The following COTL1 variants were observed in gnomAD, a reference collection of about 807,000 sequenced individuals.
COTL1 encodes coactosin like F-actin binding protein 1, also known as coactosin-like protein.
In COTL1, 15 loss-of-function variants were observed where a neutral mutation model predicts 16.5. The observed-to-expected ratio is 0.91, with a 90% CI of 0.61 to 1.40. The LOEUF is 1.40. COTL1 is among the 40% of genes most tolerant of loss of function. The pLI, the probability that COTL1 is intolerant of heterozygous loss-of-function variation, is 0.00. For synonymous variants in COTL1, 112 were observed against 85.3 expected, an observed-to-expected ratio of 1.31 and a Z score of -1.73; for missense variants, 220 against 201.5, an observed-to-expected ratio of 1.09 and a Z score of -0.56.
At chr16:84,584,422 C>T (rs1904671765) in intron 3 of COTL1, among the ~76,000 whole-genome samples, 1 of 152,256 alleles carries the variant, frequency 6.6e-6, no homozygotes, top group South Asian at 2.1e-4. Context: ...CTCTATCACT[C>T]ATTAACTGTG....
intron 2 of COTL1, 106 bp downstream of exon 2, chr16:84,617,395 C>A: frequency 9.7e-7 from 1 of 1,030,668 alleles, no homozygotes; most frequent in South Asian, 1.4e-5. Flanking sequence ...GCCAGGGGCA[C>A]CCCATGTGGC....
intron 3 of COTL1, among the ~76,000 whole-genome samples, chr16:84,589,361 G>C (rs985744357): frequency 6.6e-6 from 1 of 152,194 alleles, no homozygotes; most frequent in Non-Finnish European, 1.5e-5. Flanking sequence ...GTGGAGGATG[G>C]GCAGTGGTAC....
At chr16:84,586,977 C>T (rs759310731) in intron 3 of COTL1, among the ~76,000 whole-genome samples, 3 of 152,180 alleles carry the variant, frequency 2.0e-5, no homozygotes, top group African/African-American at 7.2e-5. Flanking sequence ...TCCTGGCGAG[C>T]CCCCTCCCTC....
rs62050746 is a variant in COTL1, at chr16:84,610,450, T to C, written c.160+7051A>G. Among the ~76,000 whole-genome samples, 530 of 152,318 alleles carry C rather than the reference T, an allele frequency of 3.5e-3. 3 individuals are homozygous for C. Among genetic ancestry groups the C allele is most frequent in the African/African-American group, 0.01 (420 of 41,582 alleles). On this transcript the variant is annotated intron_variant, in intron 2 of 3. Transcript: ENST00000262428. ...AGGTACTCTCTATAAATGGTAGACA[T>C]GCCCTGTGAGCTCCAAGCCCTCATT...
intron 2 of COTL1, among the ~76,000 whole-genome samples, chr16:84,592,812 G>A (rs757068378): frequency 2.0e-5 from 3 of 152,202 alleles, no homozygotes; most frequent in Middle Eastern, 3.4e-3. Flanking sequence ...ACAAGAAGCC[G>A]GGTGGTCTAA....
At chr16:84,574,552 G>A (rs1225748073) in intron 3 of COTL1, among the ~76,000 whole-genome samples, 1 of 152,174 alleles carries the variant, frequency 6.6e-6, no homozygotes, top group South Asian at 2.1e-4. Context: ...GAATGGTTTG[G>A]AATTATGCAA....
intron 3 of COTL1, among the ~76,000 whole-genome samples, chr16:84,587,430 C>T (rs1904758731): frequency 6.6e-6 from 1 of 152,194 alleles, no homozygotes; most frequent in East Asian, 1.9e-4. Flanking sequence ...CAGAAAGGAG[C>T]TGCATGTATT....
chr16:84,591,722 C>G (rs1405852655), intron 2 of COTL1, among the ~76,000 whole-genome samples: 1 of 146,428 alleles, frequency 6.8e-6, no homozygotes, highest in Non-Finnish European at 1.5e-5. Flanking sequence ...ACCAGGGAGG[C>G]TAAGGTGGGA....
chr16:84,602,505 G>T lies in COTL1; in HGVS notation c.161-12243C>A, dbSNP rs138473522. ...CAGGAATGAATAGACAGGCAGGAAC[G>T]AATGGATATGGACAGACATAACAAC... On this transcript the variant is annotated intron_variant, in intron 2 of 3. Transcript: ENST00000262428. 4.5e-3 allele frequency among the ~76,000 whole-genome samples: 678 copies of T among 151,990 alleles called. 7 individuals carry two copies. The highest frequency in any genetic ancestry group is 0.015 in the African/African-American group (634 of 41,416).
chr16:84,586,080 A>C (rs963382823), intron 3 of COTL1, among the ~76,000 whole-genome samples: 3 of 152,208 alleles, frequency 2.0e-5, no homozygotes, highest in Admixed American at 6.5e-5. Context: ...CTGAGGAAAG[A>C]GGCCTCTCTC....
intron 2 of COTL1, among the ~76,000 whole-genome samples, chr16:84,613,778 T>C (rs1189885177): frequency 2.6e-5 from 4 of 152,198 alleles, no homozygotes; most frequent in Admixed American, 2.0e-4. Flanking sequence ...CATTCTTCCC[T>C]AGGAAGCCAC....
rs757216407 is a variant in COTL1 at position 84,566,877 on chromosome 16, C to A, written c.397G>T (p.Gly133Trp). Residue 133 changes from glycine to tryptophan, a missense_variant, in exon 4 of 4, where the codon GGG becomes TGG. Gly to Trp is a radical substitution (Grantham distance 184). Coordinates refer to ENST00000262428, the MANE Select transcript of COTL1 (RefSeq NM_021149.5). ...DFIKSELKKA[G>W]GANYDAQTE Reference sequence around the variant, plus strand: ...GTCTGGGCGTCGTAATTGGCTCCCCCCGCCTTCTTCAGCTCGCTCTTGATG... The same window carrying A: ...GTCTGGGCGTCGTAATTGGCTCCCCACGCCTTCTTCAGCTCGCTCTTGATG... 7 of 1,613,968 alleles carry A rather than the reference C, an allele frequency of 4.3e-6. No homozygotes were observed.
In COTL1 at chr16:84,617,547, G is replaced by T. The variant is rs202135648; in HGVS notation, c.114C>A (p.Pro38=). The part of the protein sequence containing the change: ...TFKYDGSTIV[P]GEQGAEYQHF... ...GCTGGTACTCCGCTCCCTGCTCGCC[G>T]GGGACGATGGTGGAGCCGTCATATT... The change falls in exon 2 of 4, where the codon CCC becomes CCA. Residue 38 remains proline (P), a synonymous_variant. Coordinates refer to ENST00000262428, the MANE Select transcript of COTL1 (RefSeq NM_021149.5). 7 of 1,558,350 alleles carry T rather than the reference G, an allele frequency of 4.5e-6. No homozygotes were observed. The highest frequency in any genetic ancestry group is 6.1e-6 in the Non-Finnish European group (7 of 1,150,504).
intron 3 of COTL1, among the ~76,000 whole-genome samples, chr16:84,588,165 G>A (rs1479911470): frequency 2.0e-5 from 3 of 152,064 alleles, no homozygotes; most frequent in Non-Finnish European, 4.4e-5. Context: ...AGGAATGCTT[G>A]AGTCCAGGAA....
chr16:84,572,344 A>G (rs1904352026), intron 3 of COTL1, among the ~76,000 whole-genome samples: 1 of 152,234 alleles, frequency 6.6e-6, no homozygotes, highest in Admixed American at 6.5e-5. Flanking sequence ...AGCACTTGCC[A>G]GCACCCACAT....
intron 2 of COTL1, among the ~76,000 whole-genome samples, chr16:84,601,938 C>A (rs1251596096): frequency 6.6e-6 from 1 of 152,176 alleles, no homozygotes; most frequent in Non-Finnish European, 1.5e-5. Flanking sequence ...TCACCACAAG[C>A]CAGAAGGGCA....
Position 84,565,693 on chromosome 16 carries a change from C to T in COTL1, c.*1152G>A, listed in dbSNP as rs962226230. ...TACAGTACAGATTTCTTCCCCAAAA[C>T]GAAATGAGCAAGGAAAAACAGAAAA... On this transcript the variant is annotated 3_prime_UTR_variant, in exon 4 of 4. Transcript: ENST00000262428. The T allele has an allele frequency of 4.6e-5, 7 of 152,590 alleles. No individual in the cohort carries two copies. Among genetic ancestry groups the T allele is most frequent in the African/African-American group, 1.2e-4 (5 of 41,428 alleles). The allele number at this position is 152,590 out of a possible 1,614,324, so 9.5% of individuals were successfully genotyped here.
chr16:84,612,308 C>T (rs149245581), intron 2 of COTL1, among the ~76,000 whole-genome samples: 1 of 152,232 alleles, frequency 6.6e-6, no homozygotes, highest in Non-Finnish European at 1.5e-5. Context: ...CTGAGCTAAG[C>T]ACCTCTCATC....
intron 2 of COTL1, among the ~76,000 whole-genome samples, chr16:84,603,915 C>T (rs943795176): frequency 7.3e-5 from 11 of 151,498 alleles, no homozygotes; most frequent in Admixed American, 7.2e-4. Context: ...GCTCCCGGGG[C>T]CACTGCACCC....
Sources: allele counts gnomAD v4.1 joint callset (sites outside exome capture counted in the v4.1 genomes callset), GRCh38; gene constraint gnomAD v4.1.1; transcripts MANE v1.5; gene names NCBI Gene and HGNC (gene_info 2026-07-23, HGNC 2026-07-21).